Variants in MAP2K3 observed in about 807,000 individuals in gnomAD.
MAP2K3 encodes the protein dual specificity mitogen-activated protein kinase kinase 3.
MAP2K3 carries 30 observed loss-of-function variants against 46.4 expected under a neutral mutation model. The ratio of observed to expected loss-of-function variants is 0.65; its 90% confidence interval spans 0.48 to 0.88. MAP2K3 has a LOEUF of 0.88. Among genes scored for constraint, MAP2K3 ranks in the 40% least tolerant of loss-of-function variants. The pLI is 0.00. For synonymous variants in MAP2K3, 189 were observed against 176.3 expected (o/e 1.07, Z -0.57); for missense variants, 380 against 464.5 (o/e 0.82, Z 1.67).
rs927590221 is a variant in MAP2K3, at chr17:21,298,914, C to G, written c.153C>G (p.Thr51=). 1.2e-6 allele frequency: 2 copies of G among 1,614,188 alleles called. No individual in the cohort carries two copies. Among genetic ancestry groups the G allele is most frequent in the African/African-American group, 2.7e-5 (2 of 74,966 alleles). The change falls in exon 3 of 12, where the codon ACC becomes ACG. Residue 51 remains threonine, a synonymous_variant. Transcript: ENST00000342679. The stretch of plus-strand genomic sequence containing the variant: ...ACCTGGACTCCCGGACCTTCATCAC[C>G]ATTGGAGACAGAGTAGGTGCCAGCC... ...PRNLDSRTFI[T]IGDRNFEVEA...
At chr17:21,300,499 T>C (rs751127330) in intron 3 of MAP2K3, 46 bp from the exon 4 acceptor site, 1 of 1,563,710 alleles carries the variant, frequency 6.4e-7, no homozygotes, top group East Asian at 2.3e-5. Context: ...GGGTGAGGAC[T>C]GGCTTCCAGC....
In MAP2K3 at chr17:21,311,167, C is replaced by T. The variant is rs3952266; in HGVS notation, c.775-975C>T. ...TCAGCACAGTCCTTAGGGTCTTGTC[C>T]GGGCTCCAGTTGCCAGTGCCAAGTG... On this transcript the variant is annotated intron_variant, in intron 9 of 11. Coordinates refer to ENST00000342679, the MANE Select transcript of MAP2K3 (RefSeq NM_145109.3). Among the ~76,000 whole-genome samples, 104 of 152,284 alleles carry T rather than the reference C, an allele frequency of 6.8e-4. 2 individuals carry two copies. In the South Asian group the frequency reaches 0.016, roughly 24 times the overall value.
Position 21,298,782 on chromosome 17 carries a change from C to A in MAP2K3, c.117-96C>A, listed in dbSNP as rs1469549011. On this transcript the variant is annotated intron_variant, in intron 2 of 11. Transcript: ENST00000342679. ...GGCGCCTCCGGGGCAGGAGGCACCTCGTCCCCACGCCAGGCCCCACACTGG... is the reference window on the plus strand; with the variant it reads ...GGCGCCTCCGGGGCAGGAGGCACCTAGTCCCCACGCCAGGCCCCACACTGG... 5.1e-6 allele frequency: 8 copies of A among 1,578,524 alleles called. No homozygotes were observed. In the Admixed American group the frequency reaches 1.2e-4, roughly 23 times the overall value.
At chr17:21,293,599 G>C (rs1469594684) in intron 1 of MAP2K3, among the ~76,000 whole-genome samples, 2 of 152,308 alleles carry the variant, frequency 1.3e-5, no homozygotes, top group Non-Finnish European at 2.9e-5. Flanking sequence ...TGCAGGTGAG[G>C]AAGTCCCTGT....
intron 5 of MAP2K3, 55 bp downstream of exon 5, chr17:21,301,048 T>C: frequency 6.2e-7 from 1 of 1,612,674 alleles, no homozygotes; most frequent in Non-Finnish European, 8.5e-7. Context: ...ATCAGTCGCC[T>C]GCAACCCACT....
chr17:21,309,043 G>A (rs1977037042), intron 9 of MAP2K3, among the ~76,000 whole-genome samples: 1 of 152,310 alleles, frequency 6.6e-6, no homozygotes, highest in Non-Finnish European at 1.5e-5. Context: ...GCTGTACCTG[G>A]GATTGGCTGG....
chr17:21,295,897 C>G lies in MAP2K3; in HGVS notation c.50-2516C>G, dbSNP rs77663410. The stretch of plus-strand genomic sequence containing the variant: ...CAGAGAGAGTGCAGGGAGGGTGTGG[C>G]GTGGACCCCACAGGGAAAGGGTGGG... On this transcript the variant is annotated intron_variant, in intron 1 of 11. Transcript: ENST00000342679. 12 of 1,271,142 alleles carry G rather than the reference C, an allele frequency of 9.4e-6. No homozygotes were observed. In the Admixed American group the frequency reaches 2.1e-4, roughly 22 times the overall value. The allele number at this position is 1,271,142 out of a possible 1,614,324, so 78.7% of individuals were successfully genotyped here.
At chr17:21,308,907 G>A (rs1977030278) in intron 9 of MAP2K3, among the ~76,000 whole-genome samples, 1 of 152,404 alleles carries the variant, frequency 6.6e-6, no homozygotes, top group South Asian at 2.1e-4. Flanking sequence ...TGTGTGCTAA[G>A]TGTATATTTC....
At chr17:21,293,647 C>T (rs1976074010) in intron 1 of MAP2K3, among the ~76,000 whole-genome samples, 1 of 152,312 alleles carries the variant, frequency 6.6e-6, no homozygotes, top group Admixed American at 6.5e-5. Flanking sequence ...GCCCTGGAGG[C>T]CAGGCCCTGG....
intron 7 of MAP2K3, 77 bp from the exon 8 acceptor site, chr17:21,304,349 G>T (rs980279330): frequency 1.2e-6 from 2 of 1,608,448 alleles, no homozygotes; most frequent in African/African-American, 1.3e-5. Context: ...AGGGAGGGGG[G>T]CACAGCTATG....
At chr17:21,305,679 C>G (rs1597825588) in intron 9 of MAP2K3, among the ~76,000 whole-genome samples, 1 of 152,424 alleles carries the variant, frequency 6.6e-6, no homozygotes, top group Non-Finnish European at 1.5e-5. Context: ...AGTTGCCTGG[C>G]AGAACCCCAT....
intron 3 of MAP2K3, 62 bp from the exon 4 acceptor site, chr17:21,300,483 G>C: frequency 6.5e-7 from 1 of 1,528,304 alleles, no homozygotes; most frequent in Non-Finnish European, 8.9e-7. Flanking sequence ...ATCTCCACTG[G>C]GCATGGGGTG....
At chr17:21,287,942 C>T in intron 1 of MAP2K3, 1 of 998,904 alleles carries the variant, frequency 1.0e-6, no homozygotes, top group Non-Finnish European at 1.4e-6. Context: ...GTCGGAAAGA[C>T]TGGAGGTGGC....
At chr17:21,302,296 T>A in intron 6 of MAP2K3, 37 bp downstream of exon 6, 3 of 1,534,520 alleles carry the variant, frequency 2.0e-6, no homozygotes, top group Non-Finnish European at 2.7e-6. Flanking sequence ...GGGTCCTAGG[T>A]GCATAGGCAG....
chr17:21,291,058 C>CGGTAAAACCCCGTCTCT (rs1324028502), intron 1 of MAP2K3, among the ~76,000 whole-genome samples: 191 of 152,332 alleles, frequency 1.3e-3, no homozygotes, highest in African/African-American at 4.5e-3. Flanking sequence ...CTGTCTAACA[C>CGGTAAAACCCCGTCTCT]GGTAAAACCC....
intron 9 of MAP2K3, among the ~76,000 whole-genome samples, chr17:21,310,311 T>G (rs1387148731): frequency 1.3e-5 from 2 of 152,152 alleles, no homozygotes; most frequent in Non-Finnish European, 2.9e-5. Flanking sequence ...ACCTGGCCAA[T>G]TTCTCTAAAT....
At chr17:21,298,505 G>T (rs770982269) in intron 2 of MAP2K3, 26 bp downstream of exon 2, 2 of 1,614,310 alleles carry the variant, frequency 1.2e-6, no homozygotes, top group Non-Finnish European at 1.7e-6. Flanking sequence ...TTTCTCCCTG[G>T]CTCACCCTGG....
chr17:21,299,088 C>T (rs72831543), intron 3 of MAP2K3, among the ~76,000 whole-genome samples, 162 bp downstream of exon 3: 20,100 of 144,182 alleles, frequency 0.14, no homozygotes, highest in Middle Eastern at 0.17. Context: ...TGGCCCTGGG[C>T]CACCCACTCT....
intron 9 of MAP2K3, among the ~76,000 whole-genome samples, chr17:21,310,912 T>A (rs2144657206): frequency 6.6e-6 from 1 of 152,390 alleles, no homozygotes; most frequent in Admixed American, 6.5e-5. Flanking sequence ...ACACTTCTGC[T>A]TTTCTAATTA....
Sources: allele counts gnomAD v4.1 joint callset (sites outside exome capture counted in the v4.1 genomes callset), GRCh38; gene constraint gnomAD v4.1.1; transcripts MANE v1.5; gene names NCBI Gene and HGNC (gene_info 2026-07-23, HGNC 2026-07-21).